The following CADM2 variants were observed in gnomAD, a reference collection of about 807,000 sequenced individuals.
CADM2 encodes the protein cell adhesion molecule 2, also known as immunoglobulin superfamily member 4D.
Under a neutral mutation model 49.8 loss-of-function variants are expected in CADM2, and 12 were observed. That is an observed-to-expected ratio of 0.24 (90% CI 0.15 to 0.39). The LOEUF is 0.39. Ranked by LOEUF, CADM2 falls within the 10% of genes least tolerant of loss-of-function variation. The pLI is 1.00. For synonymous variants in CADM2, 214 were observed against 175.4 expected (o/e 1.22, Z -1.74); for missense variants, 378 against 492.3 (o/e 0.77, Z 2.20).
At chr3:85,107,466 T>G (rs1454322959) in intron 1 of CADM2, among the ~76,000 whole-genome samples, 1 of 152,004 alleles carries the variant, frequency 6.6e-6, no homozygotes, top group African/African-American at 2.4e-5. Context: ...ATAACAAGTG[T>G]TGGTGACGAA....
At chr3:85,728,548 A>T (rs1053654091) in intron 2 of CADM2, among the ~76,000 whole-genome samples, 1 of 152,148 alleles carries the variant, frequency 6.6e-6, no homozygotes, top group Admixed American at 6.6e-5. Context: ...CAGAAAAAAA[A>T]AAGTGGATAA....
intron 1 of CADM2, among the ~76,000 whole-genome samples, chr3:85,421,344 G>A (rs773595818): frequency 7.9e-5 from 12 of 152,118 alleles, no homozygotes; most frequent in Non-Finnish European, 1.6e-4. Context: ...CTGTATACAA[G>A]TGTTTCTATT....
chr3:85,005,616 T>C (rs2033680414), intron 1 of CADM2, among the ~76,000 whole-genome samples: 1 of 152,134 alleles, frequency 6.6e-6, no homozygotes, highest in Non-Finnish European at 1.5e-5. Flanking sequence ...CCATTAGCAC[T>C]GTCTGTGAAT....
intron 1 of CADM2, among the ~76,000 whole-genome samples, chr3:85,345,939 A>C (rs2030596889): frequency 6.6e-6 from 1 of 152,196 alleles, no homozygotes; most frequent in African/African-American, 2.4e-5. Context: ...AATAATATGC[A>C]TACATTTATA....
At chr3:85,151,164 C>T (rs986003990) in intron 1 of CADM2, among the ~76,000 whole-genome samples, 16 of 151,982 alleles carry the variant, frequency 1.1e-4, no homozygotes, top group African/African-American at 3.4e-4. Flanking sequence ...TCAATGTTGC[C>T]TTTGATTTTG....
At chr3:85,211,043 T>C (rs1484481889) in intron 1 of CADM2, among the ~76,000 whole-genome samples, 1 of 152,178 alleles carries the variant, frequency 6.6e-6, no homozygotes, top group Non-Finnish European at 1.5e-5. Context: ...TATTTATTCA[T>C]TTCTTCTAGG....
intron 7 of CADM2, among the ~76,000 whole-genome samples, chr3:85,947,070 A>C (rs1394887664): frequency 2.6e-5 from 4 of 152,108 alleles, no homozygotes; most frequent in African/African-American, 4.8e-5. Flanking sequence ...TAATATCCAG[A>C]ATCTACAATG....
chr3:85,340,790 T>A (rs1046371363), intron 1 of CADM2, among the ~76,000 whole-genome samples: 5 of 151,488 alleles, frequency 3.3e-5, no homozygotes, highest in African/African-American at 4.8e-5. Context: ...AATTTTTTTT[T>A]AAAATAAATC....
chr3:85,289,151 C>T (rs1576288057), intron 1 of CADM2, among the ~76,000 whole-genome samples: 1 of 152,148 alleles, frequency 6.6e-6, no homozygotes, highest in South Asian at 2.1e-4. Context: ...ACATAAGTGG[C>T]AAGCTTAAAT....
intron 1 of CADM2, among the ~76,000 whole-genome samples, chr3:85,114,737 T>A (rs2038582084): frequency 6.6e-6 from 1 of 151,552 alleles, no homozygotes; most frequent in African/African-American, 2.4e-5. Flanking sequence ...TTTTTTAACC[T>A]TTCTAAGACT....
At chr3:85,547,183 T>C (rs2061687579) in intron 1 of CADM2, among the ~76,000 whole-genome samples, 1 of 152,108 alleles carries the variant, frequency 6.6e-6, no homozygotes, top group Non-Finnish European at 1.5e-5. Flanking sequence ...ACTGCATTTT[T>C]TCAGGCTGGT....
chr3:85,885,709 G>A (rs982911175), intron 4 of CADM2, among the ~76,000 whole-genome samples: 5 of 145,970 alleles, frequency 3.4e-5, no homozygotes, highest in South Asian at 2.2e-4. Context: ...AAAATTAGTC[G>A]GGCATGGTGG....
chr3:84,960,244 G>A (rs191309668), intron 1 of CADM2: 1 of 152,852 alleles, frequency 6.5e-6, no homozygotes, highest in East Asian at 1.9e-4. Flanking sequence ...CCCCGGGGGG[G>A]AAATGTGTTC....
chr3:85,020,102 A>G, intron 1 of CADM2, among the ~76,000 whole-genome samples: 1 of 152,318 alleles, frequency 6.6e-6, no homozygotes, highest in South Asian at 2.1e-4. Context: ...TTGATTTCTG[A>G]AATACAATTT....
Position 86,052,408 on chromosome 3 carries a change from C to T in CADM2, c.971-13197C>T, listed in dbSNP as rs936480722. On this transcript the variant is annotated intron_variant, in intron 8 of 9. Coordinates refer to ENST00000383699, the MANE Select transcript of CADM2 (RefSeq NM_001167675.2). ...TAAAATACAGATATTTTAAGGTTGC[C>T]ATTTAAATTTTTCTTCAGCACAGTT... Among the ~76,000 whole-genome samples, 5 of 151,918 alleles carry T rather than the reference C, an allele frequency of 3.3e-5. No individual in the cohort carries two copies. The East Asian group carries it at 9.6e-4, about 29-fold the overall frequency.
chr3:85,590,370 A>ACTGG (rs2063071406), intron 1 of CADM2, among the ~76,000 whole-genome samples: 1 of 152,008 alleles, frequency 6.6e-6, no homozygotes, highest in East Asian at 1.9e-4. Context: ...AGCGCTTTAT[A>ACTGG]GTACTTGACC....
intron 1 of CADM2, among the ~76,000 whole-genome samples, chr3:85,588,302 A>C (rs545436512): frequency 1.1e-3 from 170 of 152,156 alleles, no homozygotes; most frequent in African/African-American, 3.9e-3. Flanking sequence ...GTAGAGATGT[A>C]CGGTGGCTTG....
intron 1 of CADM2, among the ~76,000 whole-genome samples, chr3:85,371,347 AT>A (rs2033211040): frequency 6.6e-6 from 1 of 151,902 alleles, no homozygotes; most frequent in African/African-American, 2.4e-5. Context: ...ATTGCACTAT[AT>A]TTTCACTGTA....
At chr3:85,683,581 A>G (rs937860655) in intron 1 of CADM2, among the ~76,000 whole-genome samples, 52 of 152,336 alleles carry the variant, frequency 3.4e-4, no homozygotes, top group African/African-American at 1.2e-3. Flanking sequence ...TATTTTCCAA[A>G]TGTGACTGGT....
Sources: gnomAD v4.1 joint callset for allele counts (sites outside exome capture counted in the v4.1 genomes callset) on GRCh38, gnomAD v4.1.1 for gene constraint, MANE v1.5 for transcripts, NCBI Gene and HGNC (gene_info 2026-07-23, HGNC 2026-07-21) for gene names.